PLA2G4F: variants seen among roughly 807,000 people sequenced by gnomAD.
PLA2G4F encodes the protein phospholipase A2 group IVF.
PLA2G4F carries 105 observed loss-of-function variants against 103.1 expected under a neutral mutation model. The ratio of observed to expected loss-of-function variants is 1.02; its 90% CI spans 0.87 to 1.20. PLA2G4F has a LOEUF of 1.20. Ranked by LOEUF, PLA2G4F falls within the 50% of genes most tolerant of loss-of-function variation. The pLI is 0.00. For missense variants in PLA2G4F, 1,155 were observed against 1,075.9 expected (o/e 1.07, Z -1.03); for synonymous variants, 468 against 441.1 (o/e 1.06, Z -0.76).
chr15:42,146,903 G>A, intron 13 of PLA2G4F: 1 of 560,258 alleles, frequency 1.8e-6, no homozygotes, highest in Non-Finnish European at 3.2e-6. Flanking sequence ...TGCACCCAGA[G>A]CTGAGCGCTG....
rs2048818569 is a variant in PLA2G4F at position 42,140,402 on chromosome 15, T to C, written c.*1582A>G. ...GAAGGTTTTACTAACAAGTTATTGA[T>C]GACGGCAGGCACAGCAGTGTTGATG... On this transcript the variant is annotated 3_prime_UTR_variant, in exon 20 of 20. Transcript: ENST00000397272. The C allele has an allele frequency of 6.6e-6, 1 of 152,234 alleles. No homozygotes were observed. The highest frequency in any genetic ancestry group is 2.4e-5 in the African/African-American group (1 of 41,450). The allele number at this position is 152,234 out of a possible 1,614,324, so 9.4% of individuals were successfully genotyped here. A position where few individuals can be genotyped will look rare whatever the true frequency, so the allele number is the denominator to read the frequency against.
intron 6 of PLA2G4F, 93 bp from the exon 7 acceptor site, chr15:42,152,847 C>T (rs926670279): frequency 3.9e-5 from 48 of 1,215,214 alleles, no homozygotes; most frequent in Non-Finnish European, 5.3e-5. Flanking sequence ...GTCTGGGAAA[C>T]AGCCATGGCC....
In PLA2G4F at chr15:42,144,497, C is replaced by CAG; in HGVS notation, c.1926_1927dup (p.Cys643SerfsTer75). 6.2e-7 allele frequency: 1 copy of CAG among 1,612,348 alleles called. No homozygotes were observed. Among genetic ancestry groups the CAG allele is most frequent in the South Asian group, 1.1e-5 (1 of 90,996 alleles). Reference sequence around the variant, plus strand: ...GCCAGCCACATAGTCCTTGTGCAAGCAGAGACCCCGGGTGAAGTTAAAGCT... The same window carrying CAG: ...GCCAGCCACATAGTCCTTGTGCAAGCAGAGAGACCCCGGGTGAAGTTAAAGCT... On this transcript the variant is annotated frameshift_variant, in exon 17 of 20. Transcript: ENST00000397272. LOFTEE classifies it high-confidence loss of function.
rs2048862113 is a variant in PLA2G4F at position 42,144,636 on chromosome 15, G to A, written c.1789C>T (p.Gln597Ter). The A allele has an allele frequency of 6.3e-7, 1 of 1,595,150 alleles. No homozygotes were observed. Among genetic ancestry groups the A allele is most frequent in the Non-Finnish European group, 8.5e-7 (1 of 1,170,042 alleles). ...RGSVNITDDC[Q>*]KPQLHNPSRL... ...GAGGGGTTGTGCAGCTGAGGCTTCT[G>A]GCAGTCGTCTAGACAGGGGCGGGAC... Residue 597 changes from glutamine (Q) to a stop codon, truncating the protein, a stop_gained, in exon 17 of 20, where the codon CAG becomes TAG. Transcript: ENST00000397272. LOFTEE classifies it high-confidence loss of function.
At chr15:42,146,029 T>C in intron 14 of PLA2G4F, 98 bp downstream of exon 14, 1 of 1,577,568 alleles carries the variant, frequency 6.3e-7, no homozygotes, top group Middle Eastern at 1.7e-4. Flanking sequence ...AAGGTGCCTG[T>C]GTGCAACCAC....
rs1218279561 is a variant in PLA2G4F at position 42,142,578 on chromosome 15, A to G, written c.2279T>C (p.Val760Ala). 3 of 1,614,072 alleles carry G rather than the reference A, an allele frequency of 1.9e-6. No homozygotes were observed. Among genetic ancestry groups the G allele is most frequent in the South Asian group, 1.1e-5 (1 of 91,070 alleles). ...ACGGTTAACCAGGGGGAAGTGCAGC[A>G]CAATGGGGGAGCGGGGGTCCTCAGC... ...AKAEDPRSPI[V>A]LHFPLVNRTF... The change falls in exon 19 of 20, where the codon GTG becomes GCG. Residue 760 changes from valine to alanine, a missense_variant. Val to Ala is a moderately conservative substitution (Grantham distance 64). This residue lies in a region of PLA2G4F where 782 missense variants were observed against 692.9 expected (regional missense o/e 1.13). Transcript: ENST00000397272.
At chr15:42,144,181 C>T in intron 17 of PLA2G4F, 37 bp from the exon 18 acceptor site, 6 of 1,563,772 alleles carry the variant, frequency 3.8e-6, no homozygotes, top group Non-Finnish European at 5.2e-6. Flanking sequence ...GGGACGAATG[C>T]AGTTACTCTT....
rs2048864361 is a variant in PLA2G4F at position 42,144,756 on chromosome 15, T to C, written c.1781-112A>G. The C allele has an allele frequency of 2.7e-6, 3 of 1,112,766 alleles. 1 individual carries two copies. In the South Asian group the frequency reaches 5.3e-5, roughly 20 times the overall value. 68.9% of individuals were successfully genotyped at this position (1,112,766 alleles called of 1,614,324 possible). ...CAACAGTGAGCCCTCCCCACATCCC[T>C]CCTCCTCCCTGACCCCACCTCCCAA... is the stretch of plus-strand genomic sequence containing the variant. On this transcript the variant is annotated intron_variant, in intron 16 of 19. Transcript: ENST00000397272.
chr15:42,142,279 TC>T, intron 19 of PLA2G4F, 75 bp from the exon 20 acceptor site: 6 of 1,404,712 alleles, frequency 4.3e-6, no homozygotes. Context: ...CCAGAAGTCT[TC>T]CTTGTGCAGG....
In PLA2G4F at chr15:42,139,180, C is replaced by T. The variant is rs2141122039; in HGVS notation, c.*2804G>A. ...GGAGGTAATTAACATTTATTGTTCC[C>T]CTTTCAGGGAAGGTCATGGGCGTAG... On this transcript the variant is annotated 3_prime_UTR_variant, in exon 20 of 20. Transcript: ENST00000397272. 1 of 153,552 alleles carries T rather than the reference C, an allele frequency of 6.5e-6. No homozygotes were observed. The highest frequency in any genetic ancestry group is 2.1e-4 in the South Asian group (1 of 4,878). 9.5% of individuals were successfully genotyped at this position (153,552 alleles called of 1,614,324 possible). A position where few individuals can be genotyped will look rare whatever the true frequency, so the allele number is the denominator to read the frequency against.
chr15:42,145,395 T>G (rs894579884), intron 16 of PLA2G4F, among the ~76,000 whole-genome samples, 180 bp downstream of exon 16: 2 of 152,120 alleles, frequency 1.3e-5, no homozygotes, highest in African/African-American at 4.8e-5. Flanking sequence ...CTCAGAGGTG[T>G]GGCTTGATCA....
chr15:42,155,501 A>C lies in PLA2G4F; in HGVS notation c.184+16T>G, dbSNP rs749293930. On this transcript the variant is annotated intron_variant, in intron 2 of 19. Coordinates refer to ENST00000397272, the MANE Select transcript of PLA2G4F (RefSeq NM_213600.4). ...AGGGAAAGGACAGAGAGAAGGATGGAGATGGGGTCACTCACGCAGGTCTGT... is the reference window on the plus strand; with the variant it reads ...AGGGAAAGGACAGAGAGAAGGATGGCGATGGGGTCACTCACGCAGGTCTGT... The C allele has an allele frequency of 1.9e-6, 3 of 1,613,508 alleles. No homozygotes were observed. The highest frequency in any genetic ancestry group is 2.5e-6 in the Non-Finnish European group (3 of 1,179,430).
Position 42,142,002 on chromosome 15 carries a change from CCGAGCCTGGTGCCGGTCCAG to C in PLA2G4F, c.2512_2531del (p.Leu838GlyfsTer15), listed in dbSNP as rs1178145317. The C allele has an allele frequency of 1.2e-6, 2 of 1,613,936 alleles. No individual in the cohort carries two copies. The highest frequency in any genetic ancestry group is 1.7e-5 in the Admixed American group (1 of 60,030). On this transcript the variant is annotated frameshift_variant, in exon 20 of 20. Transcript: ENST00000397272. LOFTEE classifies it high-confidence loss of function. Reference sequence around the variant, plus strand: ...GCCTTGGTCAGGCCCCTGCCCTCTCCCGAGCCTGGTGCCGGTCCAGAGCCAGCTGGAGGGCGCACTTCAAG... The same window carrying C: ...GCCTTGGTCAGGCCCCTGCCCTCTCCAGCCAGCTGGAGGGCGCACTTCAAG...
intron 11 of PLA2G4F, chr15:42,147,975 G>A (rs898609113): frequency 2.0e-4 from 57 of 285,814 alleles, no homozygotes; most frequent in Middle Eastern, 1.7e-3. Flanking sequence ...CGGATCATGA[G>A]GTCAGGAGAT....
rs1471771610 is a variant in PLA2G4F, at chr15:42,144,620, T to A, written c.1805A>T (p.His602Leu). The A allele has an allele frequency of 1.2e-6, 2 of 1,604,278 alleles. No individual in the cohort carries two copies. The highest frequency in any genetic ancestry group is 2.2e-5 in the South Asian group (2 of 89,838). Reference sequence around the variant, plus strand: ...CCTCGTTCGCAGCCTCGAGGGGTTGTGCAGCTGAGGCTTCTGGCAGTCGTC... The same window carrying A: ...CCTCGTTCGCAGCCTCGAGGGGTTGAGCAGCTGAGGCTTCTGGCAGTCGTC... ...ITDDCQKPQL[H>L]NPSRLRTRLL... Residue 602 changes from histidine (H) to leucine (L), a missense_variant, in exon 17 of 20, where the codon CAC (histidine) becomes CTC (leucine). Around this residue, in one of 3 missense-constraint regions of PLA2G4F, gnomAD observed 782 missense variants for 692.9 expected, o/e 1.13. Coordinates refer to ENST00000397272, the MANE Select transcript of PLA2G4F (RefSeq NM_213600.4).
Position 42,147,234 on chromosome 15 carries a change from C to T in PLA2G4F, c.1309G>A (p.Glu437Lys). 6.2e-7 allele frequency: 1 copy of T among 1,612,796 alleles called. No homozygotes were observed. The highest frequency in any genetic ancestry group is 2.2e-5 in the East Asian group (1 of 44,864). Residue 437 changes from glutamate to lysine, a missense_variant, in exon 13 of 20, where the codon GAG (glutamate) becomes AAG (lysine). By Grantham distance (56) the Glu-to-Lys change is moderately conservative. Transcript: ENST00000397272. Reference protein sequence around the residue: ...CSSKMGALSTERLQYYTQELG... With the variant: ...CSSKMGALSTKRLQYYTQELG... ...TCCTGAGTGTAGTACTGTAGCCGCT[C>T]CGTGGACAAAGCTCCCATCTTACTG...
chr15:42,147,381 G>A (rs554324388), intron 12 of PLA2G4F, 35 bp from the exon 13 acceptor site: 1 of 1,575,338 alleles, frequency 6.3e-7, no homozygotes, highest in East Asian at 2.2e-5. Flanking sequence ...TCAGGGGCAG[G>A]AGAGCACAGC....
intron 16 of PLA2G4F, 62 bp downstream of exon 16, chr15:42,145,513 T>C (rs621560): frequency 0.58 from 873,012 of 1,498,740 alleles, 264,118 homozygotes; most frequent in Non-Finnish European, 0.62. Flanking sequence ...ATTCTTCTTG[T>C]CTCTGCCAGG....
chr15:42,143,648 T>C (rs2048847726), intron 18 of PLA2G4F, among the ~76,000 whole-genome samples: 1 of 151,848 alleles, frequency 6.6e-6, no homozygotes, highest in Admixed American at 6.6e-5. Flanking sequence ...CAAGCTGGAG[T>C]GGGGAAATCT....
Sources: gnomAD v4.1 joint callset for allele counts (sites outside exome capture counted in the v4.1 genomes callset) on GRCh38, gnomAD v4.1.1 for gene constraint, gnomAD v4.1.1 regional missense constraint, MANE v1.5 for transcripts, NCBI Gene and HGNC (gene_info 2026-07-23, HGNC 2026-07-21) for gene names.